The following TRPM3 variants were observed in gnomAD, a reference collection of about 807,000 sequenced individuals.
The protein encoded by TRPM3 is long transient receptor potential channel 3.
A neutral mutation model predicts 181.2 loss-of-function variants in TRPM3; 77 were observed. The observed-to-expected ratio is 0.42, with a 90% CI of 0.35 to 0.51. The LOEUF is 0.51. Ranked by LOEUF, TRPM3 falls within the 20% of genes least tolerant of loss-of-function variation. TRPM3 has a pLI of 0.01. For missense variants in TRPM3, 1,759 were observed against 2,196.7 expected (o/e 0.80, Z 3.98); for synonymous variants, 745 against 796.4 (o/e 0.94, Z 1.09).
intron 1 of TRPM3, among the ~76,000 whole-genome samples, chr9:71,443,724 A>G (rs967787601): frequency 2.6e-5 from 4 of 152,086 alleles, no homozygotes; most frequent in African/African-American, 7.2e-5. Context: ...TCTAACTGTC[A>G]AAGTCAAGTC....
At chr9:71,393,927 A>T (rs1010437776) in intron 1 of TRPM3, among the ~76,000 whole-genome samples, 38 of 152,248 alleles carry the variant, frequency 2.5e-4, no homozygotes, top group Admixed American at 7.2e-4. Flanking sequence ...ATAGTCCGGG[A>T]TTTATATTCC....
intron 8 of TRPM3, among the ~76,000 whole-genome samples, chr9:70,697,818 G>T (rs984907242): frequency 6.6e-6 from 1 of 152,118 alleles, no homozygotes; most frequent in African/African-American, 2.4e-5. Context: ...AAATTCTTTT[G>T]TCTCCTCCTT....
chr9:70,911,354 G>C (rs772921093), intron 1 of TRPM3, among the ~76,000 whole-genome samples: 51 of 152,108 alleles, frequency 3.4e-4, no homozygotes, highest in African/African-American at 1.2e-3. Context: ...CTTCCCCAAG[G>C]CTCCATTTAG....
intron 1 of TRPM3, among the ~76,000 whole-genome samples, chr9:71,204,817 T>C (rs1039850674): frequency 2.4e-4 from 36 of 152,278 alleles, no homozygotes; most frequent in African/African-American, 8.4e-4. Flanking sequence ...CCAAGCGAAA[T>C]GTCCAACAAT....
chr9:70,809,554 C>T (rs1392381467), intron 6 of TRPM3, among the ~76,000 whole-genome samples: 2 of 152,148 alleles, frequency 1.3e-5, no homozygotes, highest in African/African-American at 2.4e-5. Context: ...TAGTAACATG[C>T]TATACAGGTT....
chr9:70,774,786 C>G (rs1053308525), intron 7 of TRPM3: 1 of 152,110 alleles, frequency 6.6e-6, no homozygotes, highest in African/African-American at 2.4e-5. Context: ...CATGGAATAT[C>G]CCAAGAAAAC....
chr9:71,238,089 CT>C (rs943264299), intron 1 of TRPM3, among the ~76,000 whole-genome samples: 10 of 152,056 alleles, frequency 6.6e-5, no homozygotes, highest in Admixed American at 3.3e-4. Flanking sequence ...TGAAATTCAA[CT>C]TTTTTTTCAA....
chr9:71,032,009 T>A (rs1439887203), intron 1 of TRPM3, among the ~76,000 whole-genome samples: 14 of 136 alleles, frequency 0.1, 2 homozygotes, highest in East Asian at 1. Context: ...AATTATATAA[T>A]ATATAATATA....
chr9:71,356,335 C>A lies in TRPM3; in HGVS notation c.183+90318G>T, dbSNP rs541803653. On this transcript the variant is annotated intron_variant, in intron 1 of 24. Transcript: ENST00000357533. ...CCCATTAATTATTCTTTCCACCCCC[C>A]AATAGGCCCCAGTGTGTGTTGTTTC... Among the ~76,000 whole-genome samples, 6 of 152,128 alleles carry A rather than the reference C, an allele frequency of 3.9e-5. No individual in the cohort carries two copies. The South Asian group carries it at 1.0e-3, about 26-fold the overall frequency.
intron 1 of TRPM3, among the ~76,000 whole-genome samples, chr9:70,918,586 A>G (rs976496506): frequency 6.6e-6 from 1 of 152,176 alleles, no homozygotes; most frequent in African/African-American, 2.4e-5. Flanking sequence ...ATGCAACACA[A>G]CATACCAAAA....
At chr9:70,940,975 A>C (rs1254344551) in intron 1 of TRPM3, among the ~76,000 whole-genome samples, 1 of 152,260 alleles carries the variant, frequency 6.6e-6, no homozygotes, top group African/African-American at 2.4e-5. Context: ...TATTATTTCT[A>C]GTACTTTGCG....
At chr9:71,089,019 T>C (rs1265821895) in intron 1 of TRPM3, among the ~76,000 whole-genome samples, 2 of 150,056 alleles carry the variant, frequency 1.3e-5, no homozygotes, top group East Asian at 3.9e-4. Context: ...CATGGTGCTA[T>C]ATTAGCTGCT....
intron 18 of TRPM3, among the ~76,000 whole-genome samples, chr9:70,615,497 C>T (rs932279581): frequency 6.6e-6 from 1 of 152,242 alleles, no homozygotes; most frequent in Non-Finnish European, 1.5e-5. Context: ...AAGACAGATA[C>T]AGGCTTAGCT....
chr9:71,169,670 C>T (rs533831530), intron 1 of TRPM3, among the ~76,000 whole-genome samples: 49 of 151,902 alleles, frequency 3.2e-4, no homozygotes, highest in African/African-American at 8.2e-4. Context: ...AATCCAAATT[C>T]GGGTCCAGGC....
chr9:71,416,942 G>A (rs183917173), intron 1 of TRPM3, among the ~76,000 whole-genome samples: 11 of 151,856 alleles, frequency 7.2e-5, no homozygotes, highest in Non-Finnish European at 1.5e-4. Context: ...ACTATTCTGT[G>A]TCTGGTTTCT....
intron 14 of TRPM3, among the ~76,000 whole-genome samples, chr9:70,624,075 C>A (rs1450464472): frequency 6.6e-6 from 1 of 152,038 alleles, no homozygotes; most frequent in Non-Finnish European, 1.5e-5. Context: ...TGTATGTACT[C>A]CCCCCACCTC....
intron 1 of TRPM3, among the ~76,000 whole-genome samples, chr9:71,176,273 A>C (rs908422359): frequency 2.0e-5 from 3 of 152,154 alleles, no homozygotes; most frequent in Non-Finnish European, 4.4e-5. Context: ...AAGACCTTCC[A>C]GTGGGACAAG....
intron 1 of TRPM3, among the ~76,000 whole-genome samples, chr9:70,915,569 T>G (rs1420534297): frequency 6.6e-6 from 1 of 151,638 alleles, no homozygotes; most frequent in African/African-American, 2.4e-5. Context: ...CCTCCCACAG[T>G]GCTGGGATTA....
Position 70,625,242 on chromosome 9 carries a change from G to A in TRPM3, c.1758C>T (p.Tyr586=). The change falls in exon 14 of 26, where the codon TAC becomes TAT. Residue 586 remains tyrosine, a synonymous_variant. Transcript: ENST00000677713. The surrounding 1 kb of genome is among the most constrained non-coding windows in gnomAD (Gnocchi z 4.8). ...YLMGGAYRCN[Y]TRKRFRTLYH... is the part of the protein sequence containing the mutation. ...AGAGGGTCCGGAAGCGCTTGCGCGTGTAGTTGCAGCGATAAGCCCCGCCCA... is the reference window on the plus strand; with the variant it reads ...AGAGGGTCCGGAAGCGCTTGCGCGTATAGTTGCAGCGATAAGCCCCGCCCA... 6.2e-7 allele frequency: 1 copy of A among 1,614,162 alleles called. No individual in the cohort carries two copies. Among genetic ancestry groups the A allele is most frequent in the Non-Finnish European group, 8.5e-7 (1 of 1,180,038 alleles).
Sources: allele counts gnomAD v4.1 joint callset (sites outside exome capture counted in the v4.1 genomes callset), GRCh38; gene constraint gnomAD v4.1.1; non-coding constraint Gnocchi (gnomAD v3.1); transcripts MANE v1.5; gene names NCBI Gene and HGNC (gene_info 2026-07-23, HGNC 2026-07-21).